RBBP7: variants seen among roughly 807,000 people sequenced by gnomAD.
RBBP7 encodes the protein histone-binding protein RBBP7.
A neutral mutation model predicts 35.2 loss-of-function variants in RBBP7; 5 were observed. That is an observed-to-expected ratio of 0.14 (90% CI 0.07 to 0.30). The LOEUF is 0.30. Ranked by LOEUF, RBBP7 falls within the 10% of genes least tolerant of loss-of-function variation. The pLI, the probability that RBBP7 is intolerant of heterozygous loss-of-function variation, is 1.00. For synonymous variants in RBBP7, 140 were observed against 118.7 expected, an observed-to-expected ratio of 1.18 and a Z score of -1.17; for missense variants, 155 against 327.5, an observed-to-expected ratio of 0.47 and a Z score of 4.07.
intron 9 of RBBP7, among the ~76,000 whole-genome samples, chrX:16,849,592 G>C (rs1930168403): frequency 9.0e-6 from 1 of 111,607 alleles, no homozygotes; most frequent in African/African-American, 3.3e-5. Context: ...ACCACATCTG[G>C]CTACTGTTTA....
intron 4 of RBBP7, 38 bp downstream of exon 4, chrX:16,858,638 A>C (rs1466423291): frequency 1.7e-6 from 2 of 1,186,154 alleles, no homozygotes; most frequent in East Asian, 6.0e-5. Flanking sequence ...GAATCAAGAA[A>C]ACTGCTCAAG....
chrX:16,850,718 C>T (rs1334689782), intron 9 of RBBP7, among the ~76,000 whole-genome samples: 1 of 112,062 alleles, frequency 8.9e-6, no homozygotes, highest in Non-Finnish European at 1.9e-5. Context: ...ATAATTAAGG[C>T]AGCCTTGGTT....
intron 11 of RBBP7, among the ~76,000 whole-genome samples, chrX:16,845,573 CACA>C (rs1197956266): frequency 3.6e-5 from 4 of 112,091 alleles, no homozygotes; most frequent in South Asian, 3.7e-4. Flanking sequence ...GTATGAAGAG[CACA>C]ACAACAATGA....
At chrX:16,869,901 GCGCGCGCCCAGT>G in intron 1 of RBBP7, 125 bp downstream of exon 1, 1 of 780,850 alleles carries the variant, frequency 1.3e-6, no homozygotes, top group Non-Finnish European at 1.5e-6. Flanking sequence ...GCCCCTCGAG[GCGCGCGCCCAGT>G]CTCGCGCCCG....
chrX:16,851,579 C>T (rs1316909286), intron 9 of RBBP7, among the ~76,000 whole-genome samples: 2 of 111,740 alleles, frequency 1.8e-5, no homozygotes, highest in African/African-American at 6.5e-5. Context: ...GTCCTTGTCC[C>T]CTTCACAAAG....
At chrX:16,854,824 G>C (rs1239014134) in intron 5 of RBBP7, among the ~76,000 whole-genome samples, 4 of 109,358 alleles carry the variant, frequency 3.7e-5, no homozygotes, top group African/African-American at 1.3e-4. Flanking sequence ...GAGGCCTCAT[G>C]ATGTGGGCCT....
chrX:16,862,782 A>G (rs1930506264), intron 3 of RBBP7, among the ~76,000 whole-genome samples, 173 bp downstream of exon 3: 1 of 112,291 alleles, frequency 8.9e-6, no homozygotes, highest in African/African-American at 3.2e-5. Context: ...TAATTTTTCA[A>G]TTCTGCAATT....
At position 16,867,914 on chromosome X, in the gene RBBP7, A is replaced by C. The variant is rs1303277386; in HGVS notation, c.161+1162T>G. Among the ~76,000 whole-genome samples, 11 of 108,180 alleles carry C rather than the reference A, an allele frequency of 1.0e-4. No individual in the cohort carries two copies. In the East Asian group the frequency reaches 3.2e-3, roughly 31 times the overall value. The allele number at this position is 108,180 out of a possible 115,157, so 93.9% of individuals were successfully genotyped here. On this transcript the variant is annotated intron_variant, in intron 2 of 11. Transcript: ENST00000380087. ...TGCCTGGGCTGGTTTTGAACTCCTG[A>C]GCTCAGGCAATCCGCCTGCCTCGGC...
At chrX:16,856,147 A>G (rs1930346892) in intron 5 of RBBP7, among the ~76,000 whole-genome samples, 2 of 111,441 alleles carry the variant, frequency 1.8e-5, no homozygotes, top group Non-Finnish European at 3.8e-5. Context: ...AAGAATTTGA[A>G]TACCTATTTC....
intron 3 of RBBP7, 89 bp downstream of exon 3, chrX:16,862,866 C>T: frequency 9.9e-7 from 1 of 1,006,901 alleles, no homozygotes; most frequent in Non-Finnish European, 1.4e-6. Context: ...ATTACTGGGC[C>T]AAAAGCTAAT....
intron 6 of RBBP7, 196 bp from the exon 7 acceptor site, chrX:16,853,071 T>C (rs1930248199): frequency 1.9e-6 from 1 of 526,409 alleles, no homozygotes; most frequent in Non-Finnish European, 2.9e-6. Flanking sequence ...GCTAGGGCTG[T>C]TAGTCCTGTT....
chrX:16,858,963 A>G, intron 3 of RBBP7, 114 bp from the exon 4 acceptor site: 1 of 1,036,695 alleles, frequency 9.6e-7, no homozygotes, highest in Non-Finnish European at 1.3e-6. Flanking sequence ...ACAAACTGAC[A>G]AGACAAAGAC....
chrX:16,868,923 C>T (rs900061102), intron 2 of RBBP7, among the ~76,000 whole-genome samples, 153 bp downstream of exon 2: 17 of 112,076 alleles, frequency 1.5e-4, no homozygotes, highest in Admixed American at 9.5e-5. Context: ...AGAAATCATC[C>T]CACAAATCAC....
At chrX:16,850,393 T>C (rs954108863) in intron 9 of RBBP7, among the ~76,000 whole-genome samples, 17 of 112,742 alleles carry the variant, frequency 1.5e-4, no homozygotes, top group African/African-American at 5.1e-4. Context: ...TAAGAAGAAA[T>C]TACACACAAT....
At chrX:16,860,843 T>C (rs951997902) in intron 3 of RBBP7, among the ~76,000 whole-genome samples, 6 of 110,777 alleles carry the variant, frequency 5.4e-5, no homozygotes, top group African/African-American at 2.0e-4. Flanking sequence ...GGTAAATACA[T>C]ACTTCAGGGC....
At chrX:16,867,841 G>GT (rs746976479) in intron 2 of RBBP7, among the ~76,000 whole-genome samples, 1,768 of 95,391 alleles carry the variant, frequency 0.019, 34 homozygotes, top group African/African-American at 0.055. Context: ...GCCACGCCCG[G>GT]TTTTTTTTTT....
chrX:16,859,955 T>C (rs1930429003), intron 3 of RBBP7, among the ~76,000 whole-genome samples: 1 of 111,363 alleles, frequency 9.0e-6, no homozygotes, highest in African/African-American at 3.3e-5. Flanking sequence ...TATTTCAGTG[T>C]GGTTGAAAAA....
chrX:16,853,859 GA>G lies in RBBP7; in HGVS notation c.598-18del, dbSNP rs764491267. The G allele has an allele frequency of 7.2e-4, 647 of 899,666 alleles. No homozygotes were observed. Among genetic ancestry groups the G allele is most frequent in the South Asian group, 1.5e-3 (45 of 29,627 alleles). 74.1% of individuals were successfully genotyped at this position (899,666 alleles called of 1,213,427 possible). On this transcript the variant is annotated intron_variant, in intron 5 of 11. Coordinates refer to ENST00000380087, the MANE Select transcript of RBBP7 (RefSeq NM_002893.4). The stretch of plus-strand genomic sequence containing the variant: ...ACAAACAGTCTAAGAGAGAAGGAGA[GA>G]AAAAAAAAAGAACAAGGGCTATAAG...
chrX:16,851,996 T>C (rs748819647), intron 9 of RBBP7, 50 bp downstream of exon 9: 18 of 1,067,115 alleles, frequency 1.7e-5, no homozygotes, highest in Non-Finnish European at 2.3e-5. Context: ...CTATGTAACT[T>C]GCCAGATAGG....
Sources: gnomAD v4.1 joint callset for allele counts (sites outside exome capture counted in the v4.1 genomes callset) on GRCh38, gnomAD v4.1.1 for gene constraint, MANE v1.5 for transcripts, NCBI Gene and HGNC (gene_info 2026-07-23, HGNC 2026-07-21) for gene names.